Variants in ASCC1 observed in about 807,000 individuals in gnomAD.
ASCC1 encodes ASC-1 complex subunit P50.
In ASCC1, 35 loss-of-function variants were observed where a neutral mutation model predicts 46.6. That is an observed-to-expected ratio of 0.75 (90% CI 0.57 to 0.99). The LOEUF is 0.99. ASCC1 is among the 50% of genes least tolerant of loss of function. ASCC1 has a pLI of 0.00. For missense variants in ASCC1, 376 were observed against 428.7 expected, an observed-to-expected ratio of 0.88 and a Z score of 1.09; for synonymous variants, 143 against 146.6, an observed-to-expected ratio of 0.98 and a Z score of 0.18.
At chr10:72,183,361 A>G (rs572276607) in intron 5 of ASCC1, among the ~76,000 whole-genome samples, 1 of 152,272 alleles carries the variant, frequency 6.6e-6, no homozygotes, top group African/African-American at 2.4e-5. Flanking sequence ...ATTTCTTATT[A>G]GAAACTATAC....
intron 7 of ASCC1, among the ~76,000 whole-genome samples, chr10:72,150,332 T>C (rs1285125811): frequency 6.6e-6 from 1 of 152,172 alleles, no homozygotes; most frequent in Non-Finnish European, 1.5e-5. Context: ...CAAATTAAGA[T>C]AACAGAAACC....
At chr10:72,136,988 C>T (rs1387752850) in intron 7 of ASCC1, among the ~76,000 whole-genome samples, 2 of 152,066 alleles carry the variant, frequency 1.3e-5, no homozygotes, top group Non-Finnish European at 2.9e-5. Flanking sequence ...ACACTCACCA[C>T]GAGGGTCCGC....
intron 9 of ASCC1, among the ~76,000 whole-genome samples, chr10:72,121,288 C>T (rs1193450685): frequency 1.3e-5 from 2 of 152,064 alleles, no homozygotes; most frequent in Non-Finnish European, 2.9e-5. Context: ...GGACTACAGG[C>T]GTGCACCACC....
chr10:72,150,988 A>G (rs1848256675), intron 7 of ASCC1, among the ~76,000 whole-genome samples: 1 of 152,224 alleles, frequency 6.6e-6, no homozygotes, highest in Non-Finnish European at 1.5e-5. Context: ...ACGCTTTTAC[A>G]CTGTTGGTGG....
chr10:72,198,360 GGGGA>G, intron 4 of ASCC1: 1 of 100,800 alleles, frequency 9.9e-6, no homozygotes, highest in Admixed American at 1.4e-4. Flanking sequence ...GGGGAGGGGA[GGGGA>G]GGGGGAGGGG....
At chr10:72,133,415 G>A (rs1038877638) in intron 7 of ASCC1, 12 of 490,868 alleles carry the variant, frequency 2.4e-5, no homozygotes, top group East Asian at 4.1e-5. Flanking sequence ...TATGGTGAGC[G>A]TGAAGGGAGT....
chr10:72,213,116 A>T, intron 2 of ASCC1, 71 bp downstream of exon 2: 1 of 1,118,462 alleles, frequency 8.9e-7, no homozygotes, highest in Non-Finnish European at 1.4e-6. Context: ...ACATTAAAAC[A>T]AACAAAAAAT....
chr10:72,216,987 C>T (rs1425600011), upstream of ASCC1: 3 of 455,358 alleles, frequency 6.6e-6, no homozygotes, highest in Non-Finnish European at 1.3e-5. Flanking sequence ...CATGACACAG[C>T]GCTTCTCTAT....
At chr10:72,191,656 CT>C (rs976887800) in intron 5 of ASCC1, among the ~76,000 whole-genome samples, 1 of 150,292 alleles carries the variant, frequency 6.7e-6, no homozygotes, top group Admixed American at 6.7e-5. Flanking sequence ...AAAAAATTTT[CT>C]TTTTTTTTGA....
chr10:72,180,578 A>G (rs957115460), intron 5 of ASCC1, among the ~76,000 whole-genome samples: 4 of 152,216 alleles, frequency 2.6e-5, no homozygotes, highest in Non-Finnish European at 5.9e-5. Flanking sequence ...GTGAGCCAAG[A>G]TCGCACCACT....
intron 5 of ASCC1, among the ~76,000 whole-genome samples, chr10:72,193,274 A>C (rs1266145740): frequency 1.3e-5 from 2 of 152,188 alleles, no homozygotes; most frequent in Non-Finnish European, 2.9e-5. Flanking sequence ...AAATTGTAGC[A>C]TATCCATAAA....
intron 5 of ASCC1, among the ~76,000 whole-genome samples, chr10:72,172,296 T>A (rs868016993): frequency 6.7e-6 from 1 of 150,334 alleles, no homozygotes; most frequent in Admixed American, 6.7e-5. Flanking sequence ...ACAACTGTAA[T>A]CCCAGCTACT....
At chr10:72,208,471 C>T (rs969930719) in intron 3 of ASCC1, among the ~76,000 whole-genome samples, 2 of 151,964 alleles carry the variant, frequency 1.3e-5, no homozygotes, top group Non-Finnish European at 2.9e-5. Context: ...GAAATGAAAA[C>T]ATTTGTGGCC....
At chr10:72,215,057 A>C (rs12357642) in intron 1 of ASCC1, among the ~76,000 whole-genome samples, 2,897 of 152,324 alleles carry the variant, frequency 0.019, 43 homozygotes, top group Non-Finnish European at 0.027. Context: ...CTTGAAGCCC[A>C]AAATACTTAA....
chr10:72,169,991 G>A (rs1385607472), intron 5 of ASCC1, among the ~76,000 whole-genome samples: 5 of 152,056 alleles, frequency 3.3e-5, no homozygotes, highest in Non-Finnish European at 7.4e-5. Context: ...ATGGTATCAC[G>A]TGCCTGTAAT....
chr10:72,162,869 G>T (rs1487710375), intron 5 of ASCC1, among the ~76,000 whole-genome samples: 1 of 150,796 alleles, frequency 6.6e-6, no homozygotes, highest in African/African-American at 2.5e-5. Flanking sequence ...CTTAAACCTG[G>T]GAGGCAGAGG....
In ASCC1 at chr10:72,206,667, A is replaced by G. The variant is rs545907755; in HGVS notation, c.213-3143T>C. ...AAAGGAATTATGTGTTCAGAGTTCC[A>G]AACTACGGAATCCGGCTTGGATTCA... On this transcript the variant is annotated intron_variant, in intron 3 of 9. Transcript: ENST00000672957. Among the ~76,000 whole-genome samples, 111 of 152,266 alleles carry G rather than the reference A, an allele frequency of 7.3e-4. 1 individual carries two copies. The highest frequency in any genetic ancestry group is 3.4e-3 in the Middle Eastern group (1 of 294).
At chr10:72,130,516 T>G (rs1368314263) in intron 8 of ASCC1, among the ~76,000 whole-genome samples, 2 of 152,186 alleles carry the variant, frequency 1.3e-5, no homozygotes, top group Non-Finnish European at 2.9e-5. Context: ...TCCACACAAC[T>G]TAGAATATAC....
At chr10:72,132,494 G>T (rs1021108184) in intron 8 of ASCC1, among the ~76,000 whole-genome samples, 3 of 152,180 alleles carry the variant, frequency 2.0e-5, no homozygotes, top group Non-Finnish European at 4.4e-5. Context: ...CAACCTCTGT[G>T]CTACGACATT....
Sources: gnomAD v4.1 joint callset for allele counts (sites outside exome capture counted in the v4.1 genomes callset) on GRCh38, gnomAD v4.1.1 for gene constraint, MANE v1.5 for transcripts, NCBI Gene and HGNC (gene_info 2026-07-23, HGNC 2026-07-21) for gene names.